Variants in MYLK observed in about 807,000 individuals in gnomAD.
The protein encoded by MYLK is myosin light chain kinase, also known as myosin light chain kinase, smooth muscle.
MYLK carries 106 observed loss-of-function variants against 203.4 expected under a neutral mutation model. That is an observed-to-expected ratio of 0.52 (90% CI 0.45 to 0.61). MYLK has a LOEUF of 0.61. MYLK is among the 20% of genes least tolerant of loss of function. The pLI is 0.00. For missense variants in MYLK, 2,072 were observed against 2,442.3 expected, an observed-to-expected ratio of 0.85 and a Z score of 3.20; for synonymous variants, 867 against 959.5, an observed-to-expected ratio of 0.90 and a Z score of 1.78.
chr3:123,697,849 C>T (rs555210543), intron 18 of MYLK, among the ~76,000 whole-genome samples: 1 of 152,270 alleles, frequency 6.6e-6, no homozygotes, highest in East Asian at 1.9e-4. Context: ...TGCAGCCTTC[C>T]TTGGATCATT....
At chr3:123,721,225 C>T (rs73860146) in intron 13 of MYLK, among the ~76,000 whole-genome samples, 3,270 of 152,320 alleles carry the variant, frequency 0.021, 86 homozygotes, top group African/African-American at 0.073. Flanking sequence ...ATGTTCCTGA[C>T]AGGCCTGAGC....
At chr3:123,787,415 G>A (rs1004163851) in intron 4 of MYLK, among the ~76,000 whole-genome samples, 1 of 152,080 alleles carries the variant, frequency 6.6e-6, no homozygotes, top group African/African-American at 2.4e-5. Flanking sequence ...AGAAGTACAC[G>A]GCCAAATCCT....
In MYLK at chr3:123,756,504, C is replaced by T. The variant is rs112209331; in HGVS notation, c.166-3966G>A. On this transcript the variant is annotated intron_variant, in intron 4 of 33. Transcript: ENST00000360304. The stretch of plus-strand genomic sequence containing the variant: ...TAGCTTTCTTGGGTTGTAATTCCTT[C>T]CTTGTATTAAGGAGGAAATTGCTTT... 6.6e-3 allele frequency among the ~76,000 whole-genome samples: 998 copies of T among 152,234 alleles called. 14 individuals carry two copies. The highest frequency in any genetic ancestry group is 0.023 in the African/African-American group (953 of 41,534).
intron 11 of MYLK, 147 bp downstream of exon 11, chr3:123,732,749 C>T (rs2062525762): frequency 2.6e-6 from 2 of 757,032 alleles, no homozygotes; most frequent in African/African-American, 1.7e-5. Context: ...ACACACTTGG[C>T]CTTGGCATGT....
chr3:123,864,066 C>T (rs1295900682), intron 2 of MYLK, among the ~76,000 whole-genome samples: 1 of 152,124 alleles, frequency 6.6e-6, no homozygotes, highest in African/African-American at 2.4e-5. Context: ...ATCTCAAAAA[C>T]AGGCCAAATG....
chr3:123,645,356 C>T (rs1004368658), intron 27 of MYLK, among the ~76,000 whole-genome samples: 3 of 152,104 alleles, frequency 2.0e-5, no homozygotes, highest in South Asian at 2.1e-4. Context: ...GGAACACATA[C>T]GGAAAGGAAA....
At chr3:123,875,463 G>T (rs1468882174) in intron 2 of MYLK, among the ~76,000 whole-genome samples, 3 of 152,198 alleles carry the variant, frequency 2.0e-5, no homozygotes, top group African/African-American at 7.2e-5. Flanking sequence ...GGTCTGCATG[G>T]TGGGAGAGCA....
At chr3:123,729,129 T>A (rs1382310010) in intron 11 of MYLK, among the ~76,000 whole-genome samples, 1 of 152,134 alleles carries the variant, frequency 6.6e-6, no homozygotes, top group Non-Finnish European at 1.5e-5. Context: ...GGCCCTCCTG[T>A]CTCACCTCTG....
intron 12 of MYLK, among the ~76,000 whole-genome samples, chr3:123,723,251 T>C (rs2108745193): frequency 6.6e-6 from 1 of 152,342 alleles, no homozygotes; most frequent in Admixed American, 6.5e-5. Flanking sequence ...CTCCCTGCAA[T>C]GCAGTGTTTT....
chr3:123,732,483 A>G (rs748681689), intron 11 of MYLK, among the ~76,000 whole-genome samples: 1 of 152,218 alleles, frequency 6.6e-6, no homozygotes, highest in Non-Finnish European at 1.5e-5. Flanking sequence ...CACAATGAAC[A>G]TGCATTACTT....
intron 5 of MYLK, among the ~76,000 whole-genome samples, chr3:123,742,494 G>T (rs1327953240): frequency 2.0e-5 from 3 of 151,970 alleles, no homozygotes; most frequent in African/African-American, 7.3e-5. Context: ...TGGTAAAGAA[G>T]AAATAAAACA....
At chr3:123,800,770 T>G (rs2065168527) in intron 3 of MYLK, among the ~76,000 whole-genome samples, 1 of 152,212 alleles carries the variant, frequency 6.6e-6, no homozygotes, top group Non-Finnish European at 1.5e-5. Context: ...TTGATTCATA[T>G]CTGATTCTTG....
chr3:123,872,512 T>C (rs895469453), intron 2 of MYLK, among the ~76,000 whole-genome samples: 2 of 152,196 alleles, frequency 1.3e-5, no homozygotes, highest in African/African-American at 4.8e-5. Context: ...CTCTTATTTC[T>C]GACCAACCGA....
chr3:123,618,755 G>A lies in MYLK; in HGVS notation c.5384C>T (p.Ala1795Val), dbSNP rs1455621714. 1.9e-6 allele frequency: 3 copies of A among 1,614,052 alleles called. No homozygotes were observed. The African/African-American group carries it at 4.0e-5, about 22-fold the overall frequency. The change falls in exon 33 of 34, where the codon GCT becomes GTT. Residue 1795 changes from alanine (A) to valine (V), a missense_variant. Ala to Val is a moderately conservative substitution (Grantham distance 64). Around this residue, in one of 3 missense-constraint regions of MYLK, gnomAD observed 524 missense variants for 782.4 expected, o/e 0.67. Transcript: ENST00000360304. ...KLESEEDVSQ[A>V]FLEAVAEEKP... ...TTCCTCAGCAACAGCCTCAAGGAAA[G>A]CTTGGGACACATCTTCTAGAAGACA... is the stretch of plus-strand genomic sequence containing the variant.
rs2058331523 is a variant in MYLK, at chr3:123,629,725, C to T, written c.4962-99G>A. 7.6e-7 allele frequency: 1 copy of T among 1,310,226 alleles called. No homozygotes were observed. The highest frequency in any genetic ancestry group is 1.5e-5 in the African/African-American group (1 of 68,926). The allele number at this position is 1,310,226 out of a possible 1,614,324, so 81.2% of individuals were successfully genotyped here. A position where few individuals can be genotyped will look rare whatever the true frequency, so the allele number is the denominator to read the frequency against. ...CAAAGGCGAGGGTCGGCCAGCCTCC[C>T]CACCCCCAAACTCATGCTCTGTGGG... On this transcript the variant is annotated intron_variant, in intron 29 of 33. Transcript: ENST00000360304. This position sits in a 1 kb window ranked among gnomAD's most constrained non-coding sequence, Gnocchi z 4.4.
At chr3:123,756,882 T>A (rs2063375078) in intron 4 of MYLK, among the ~76,000 whole-genome samples, 1 of 152,196 alleles carries the variant, frequency 6.6e-6, no homozygotes, top group African/African-American at 2.4e-5. Flanking sequence ...CAACAACTTG[T>A]CATAAAAATA....
rs1290085051 is a variant in MYLK at position 123,700,429 on chromosome 3, G to A, written c.3039C>T (p.Pro1013=). 1 of 1,612,232 alleles carries A rather than the reference G, an allele frequency of 6.2e-7. No homozygotes were observed. Among genetic ancestry groups the A allele is most frequent in the South Asian group, 1.1e-5 (1 of 90,864 alleles). Residue 1013 remains proline (P), a synonymous_variant, in exon 18 of 34, where the codon CCC becomes CCT. Transcript: ENST00000360304. ...LNAKAVESSK[P]LSNAQPSGPL... ...GCCCTGAAGGCTGTGCATTGCTCAG[G>A]GGCTTGGAACTCTCCACTGCCTTGG... is the stretch of plus-strand genomic sequence containing the variant.
At position 123,638,179 on chromosome 3, in the gene MYLK, A is replaced by G. The variant is rs1329275023; in HGVS notation, c.4853T>C (p.Leu1618Pro). 6.2e-7 allele frequency: 1 copy of G among 1,613,802 alleles called. No homozygotes were observed. Among genetic ancestry groups the G allele is most frequent in the Middle Eastern group, 1.7e-4 (1 of 5,864 alleles). Residue 1618 changes from leucine to proline, a missense_variant, in exon 29 of 34, where the codon CTG (leucine) becomes CCG (proline). Physicochemically the swap from Leu to Pro is moderately conservative, Grantham distance 98. This residue lies in a region of MYLK where 524 missense variants were observed against 782.4 expected (regional missense o/e 0.67). Coordinates refer to ENST00000360304, the MANE Select transcript of MYLK (RefSeq NM_053025.4). ...LARRLENAGS[L>P]KVLFGTPEFV... The stretch of plus-strand genomic sequence containing the variant: ...TTCTGGGGTGCCAAAGAGGACCTTC[A>G]GAGACCCCGCATTCTCTGAAACCAG...
chr3:123,871,114 G>C (rs1476804048), intron 2 of MYLK, among the ~76,000 whole-genome samples: 1 of 152,122 alleles, frequency 6.6e-6, no homozygotes, highest in Non-Finnish European at 1.5e-5. Context: ...CTGCTGGTAA[G>C]GCTTTTACTA....
Sources: allele counts gnomAD v4.1 joint callset (sites outside exome capture counted in the v4.1 genomes callset), GRCh38; gene constraint gnomAD v4.1.1; regional missense constraint gnomAD v4.1.1; non-coding constraint Gnocchi (gnomAD v3.1); transcripts MANE v1.5; gene names NCBI Gene and HGNC (gene_info 2026-07-23, HGNC 2026-07-21).